Variants in RXRG observed in about 807,000 individuals in gnomAD.
RXRG encodes retinoid X receptor gamma.
A neutral mutation model predicts 49.2 loss-of-function variants in RXRG; 19 were observed. That is an observed-to-expected ratio of 0.39 (90% CI 0.27 to 0.57). The LOEUF (loss-of-function observed/expected upper bound fraction) is 0.57, where lower values mean the gene tolerates loss of function less well. Among genes scored for constraint, RXRG ranks in the 20% least tolerant of loss-of-function variants. The pLI, the probability that RXRG is intolerant of heterozygous loss-of-function variation, is 0.64. For synonymous variants in RXRG, 224 were observed against 216.6 expected, an observed-to-expected ratio of 1.03 and a Z score of -0.30; for missense variants, 452 against 592.5, an observed-to-expected ratio of 0.76 and a Z score of 2.46.
chr1:165,433,688 T>C (rs984139213), intron 1 of RXRG, among the ~76,000 whole-genome samples: 6 of 152,190 alleles, frequency 3.9e-5, no homozygotes. Context: ...CCAGCACTAA[T>C]GTTTCGTGAG....
intron 4 of RXRG, among the ~76,000 whole-genome samples, chr1:165,415,777 G>A (rs1265419718): frequency 6.6e-6 from 1 of 152,168 alleles, no homozygotes; most frequent in East Asian, 1.9e-4. Context: ...TGAGATTTGG[G>A]TCTCTCACTT....
intron 9 of RXRG, among the ~76,000 whole-genome samples, chr1:165,402,828 C>G (rs1005011086): frequency 4.6e-5 from 7 of 152,150 alleles, no homozygotes; most frequent in African/African-American, 1.7e-4. Context: ...CACACTCATG[C>G]TCTCACACTA....
At chr1:165,421,663 G>T (rs1262340612) in intron 2 of RXRG, among the ~76,000 whole-genome samples, 1 of 151,964 alleles carries the variant, frequency 6.6e-6, no homozygotes, top group African/African-American at 2.4e-5. Context: ...CCAAGTAGCT[G>T]GGATTAGAGG....
intron 2 of RXRG, among the ~76,000 whole-genome samples, chr1:165,425,407 G>A (rs6685620): frequency 2.6e-5 from 4 of 152,116 alleles, no homozygotes; most frequent in Non-Finnish European, 4.4e-5. Flanking sequence ...ACCTTATTCC[G>A]TGCTTATCCC....
chr1:165,410,618 G>T, intron 6 of RXRG, 84 bp downstream of exon 6: 1 of 1,480,664 alleles, frequency 6.8e-7, no homozygotes, highest in Non-Finnish European at 9.3e-7. Flanking sequence ...TGGACATGTT[G>T]CAGCTCCATC....
intron 1 of RXRG, among the ~76,000 whole-genome samples, chr1:165,431,551 A>G (rs994954026): frequency 3.9e-4 from 60 of 152,240 alleles, no homozygotes; most frequent in African/African-American, 1.3e-3. Context: ...TGACCAAGCT[A>G]TCTGAAGGAA....
In RXRG at chr1:165,408,315, G is replaced by A. The variant is rs2134095; in HGVS notation, c.1050C>T (p.Val350=). Residue 350 remains valine, a synonymous_variant, in exon 8 of 10, where the codon GTC becomes GTT. Transcript: ENST00000359842. The stretch of plus-strand genomic sequence containing the variant: ...TCATTTTGGAAACCAGCTCAGTTAG[G>A]ACTCTGTTAACAGGAAACAAGCAGG... The part of the protein sequence containing the change: ...SAGVGSIFDR[V]LTELVSKMKD... 0.64 allele frequency: 1,020,335 copies of A among 1,603,440 alleles called. 332,343 individuals carry two copies. Among genetic ancestry groups the A allele is most frequent in the Middle Eastern group, 0.68 (4,096 of 6,038 alleles).
In RXRG at chr1:165,410,649, C is replaced by T. The variant is rs1016338798; in HGVS notation, c.913+53G>A. The T allele has an allele frequency of 2.5e-6, 4 of 1,606,212 alleles. No individual in the cohort carries two copies. In the African/African-American group the frequency reaches 4.0e-5, roughly 16 times the overall value. On this transcript the variant is annotated intron_variant, in intron 6 of 9. Transcript: ENST00000359842. ...CCATCAGGCTACTTTTTTTAGGATC[C>T]CAAGAGCAATTTCAAAATTGTCCCA...
In RXRG at chr1:165,401,236, G is replaced by C. The variant is rs376005365; in HGVS notation, c.*27C>G. The C allele has an allele frequency of 6.2e-7, 1 of 1,612,824 alleles. No homozygotes were observed. On this transcript the variant is annotated 3_prime_UTR_variant, in exon 10 of 10. Transcript: ENST00000359842. ...CACACACCTGCCCAGGGGTCATCCT[G>C]GGTGGGGAGGCTGTGGCTGGTGGGG... is the stretch of plus-strand genomic sequence containing the variant.
chr1:165,406,555 T>C (rs1410667060), intron 9 of RXRG, among the ~76,000 whole-genome samples: 2 of 152,254 alleles, frequency 1.3e-5, no homozygotes, highest in Non-Finnish European at 2.9e-5. Flanking sequence ...ATTTGTTTGC[T>C]ATTCATCCTC....
chr1:165,424,077 C>T (rs752679248), intron 2 of RXRG, among the ~76,000 whole-genome samples: 23 of 152,182 alleles, frequency 1.5e-4, no homozygotes, highest in Non-Finnish European at 2.8e-4. Context: ...AGCCAGCAGA[C>T]ATCATGCTGA....
In RXRG at chr1:165,406,681, T is replaced by G. The variant is rs1257679176; in HGVS notation, c.1244+131A>C. On this transcript the variant is annotated intron_variant, in intron 9 of 9. Transcript: ENST00000359842. ...CCAATGGAATTAACATTTTTGTGGC[T>G]TTCAGCTTGTTATGAAGATTAAATA... 1.1e-5 allele frequency: 8 copies of G among 707,506 alleles called. No homozygotes were observed. In the Admixed American group the frequency reaches 1.6e-4, roughly 15 times the overall value. The allele number at this position is 707,506 out of a possible 1,614,324, so 43.8% of individuals were successfully genotyped here. A position where few individuals can be genotyped will look rare whatever the true frequency, so the allele number is the denominator to read the frequency against.
chr1:165,437,105 G>C, intron 1 of RXRG: 1 of 1,363,212 alleles, frequency 7.3e-7, no homozygotes, highest in Non-Finnish European at 9.8e-7. Flanking sequence ...TAGTGTCATG[G>C]GGAAGCAGCC....
Position 165,411,055 on chromosome 1 carries a change from C to T in RXRG, c.677G>A (p.Cys226Tyr), listed in dbSNP as rs1461075815. The change falls in exon 5 of 10, where the codon TGT becomes TAT. Residue 226 changes from cysteine to tyrosine, a missense_variant. Physicochemically the swap from Cys to Tyr is radical, Grantham distance 194. This residue lies in a region of RXRG where 286 missense variants were observed against 440.9 expected (regional missense o/e 0.65). Coordinates refer to ENST00000359842, the MANE Select transcript of RXRG (RefSeq NM_006917.5). ...CATGTCTTCATGACCACTGGTAGCACATTCTGCCTCACTCTCAGCTCGCTC... is the reference window on the plus strand; with the variant it reads ...CATGTCTTCATGACCACTGGTAGCATATTCTGCCTCACTCTCAGCTCGCTC... ...SRERAESEAECATSGHEDMPV... is the reference protein window; with the variant it reads ...SRERAESEAEYATSGHEDMPV... 2 of 1,614,126 alleles carry T rather than the reference C, an allele frequency of 1.2e-6. No homozygotes were observed. The highest frequency in any genetic ancestry group is 1.7e-6 in the Non-Finnish European group (2 of 1,180,004).
At chr1:165,408,814 T>C (rs1372665181) in intron 7 of RXRG, among the ~76,000 whole-genome samples, 1 of 152,132 alleles carries the variant, frequency 6.6e-6, no homozygotes, top group Non-Finnish European at 1.5e-5. Flanking sequence ...AAGTAATAGA[T>C]ACAGCTCAGT....
intron 4 of RXRG, among the ~76,000 whole-genome samples, chr1:165,413,743 C>A (rs1425123279): frequency 6.6e-6 from 1 of 152,152 alleles, no homozygotes; most frequent in East Asian, 1.9e-4. Flanking sequence ...GGGTCCCAGT[C>A]CTATACAGGG....
At position 165,402,947 on chromosome 1, in the gene RXRG, A is replaced by G. The variant is rs531349764; in HGVS notation, c.1245-1537T>C. Among the ~76,000 whole-genome samples the G allele has an allele frequency of 7.3e-5, 11 of 151,700 alleles. No individual in the cohort carries two copies. In the East Asian group the frequency reaches 2.1e-3, roughly 30 times the overall value. On this transcript the variant is annotated intron_variant, in intron 9 of 9. Coordinates refer to ENST00000359842, the MANE Select transcript of RXRG (RefSeq NM_006917.5). Reference sequence around the variant, plus strand: ...TACATGCACATGCACACTCTTACACACACGTGCATGCATGCACTCACACAT... The same window carrying G: ...TACATGCACATGCACACTCTTACACGCACGTGCATGCATGCACTCACACAT...
At chr1:165,430,537 C>A (rs1403710328) in intron 1 of RXRG, among the ~76,000 whole-genome samples, 1 of 152,214 alleles carries the variant, frequency 6.6e-6, no homozygotes, top group African/African-American at 2.4e-5. Context: ...GGAAGGAAGT[C>A]ACTCCAAGGA....
At chr1:165,409,406 C>A (rs758927144) in intron 7 of RXRG, 152 bp downstream of exon 7, 1 of 878,702 alleles carries the variant, frequency 1.1e-6, no homozygotes, top group Non-Finnish European at 1.5e-6. Flanking sequence ...TCATGTGTAG[C>A]TAACTGTTTG....
Sources: allele counts gnomAD v4.1 joint callset (sites outside exome capture counted in the v4.1 genomes callset), GRCh38; gene constraint gnomAD v4.1.1; regional missense constraint gnomAD v4.1.1; transcripts MANE v1.5; gene names NCBI Gene and HGNC (gene_info 2026-07-23, HGNC 2026-07-21).